Variants in FSTL4 observed in about 807,000 individuals in gnomAD.
FSTL4 encodes follistatin-related protein 4.
Under a neutral mutation model 78.2 loss-of-function variants are expected in FSTL4, and 28 were observed. The ratio of observed to expected loss-of-function variants is 0.36; its 90% CI spans 0.27 to 0.49. FSTL4 has a LOEUF of 0.49. Among genes scored for constraint, FSTL4 ranks in the 20% least tolerant of loss-of-function variants. The pLI is 0.98. For synonymous variants in FSTL4, 422 were observed against 440.5 expected (o/e 0.96, Z 0.53); for missense variants, 922 against 1,084.9 (o/e 0.85, Z 2.11).
Position 133,276,305 on chromosome 5 carries a change from G to C in FSTL4, c.728-26729C>G, listed in dbSNP as rs1201186859. ...GTGATGCTGGACCCCAGTGGAGAGG[G>C]AGGGCACGCGTAGGTGGCTCCTCTG... is the stretch of plus-strand genomic sequence containing the variant. On this transcript the variant is annotated intron_variant, in intron 6 of 15. Transcript: ENST00000265342. Among the ~76,000 whole-genome samples, 3 of 152,326 alleles carry C rather than the reference G, an allele frequency of 2.0e-5. No homozygotes were observed. In the East Asian group the frequency reaches 5.8e-4, roughly 29 times the overall value.
intron 3 of FSTL4, among the ~76,000 whole-genome samples, chr5:133,429,580 G>C (rs533502284): frequency 2.7e-5 from 4 of 150,826 alleles, no homozygotes; most frequent in Admixed American, 2.0e-4. Flanking sequence ...TCCAGAACCT[G>C]CCTTCCTCAA....
chr5:133,524,320 ATAAAT>A, intron 3 of FSTL4, among the ~76,000 whole-genome samples: 1 of 152,340 alleles, frequency 6.6e-6, no homozygotes, highest in East Asian at 1.9e-4. Context: ...ATTTAGGAAG[ATAAAT>A]CATTTTCATG....
the FSTL4 span, among the ~76,000 whole-genome samples, chr5:133,815,014 C>A: frequency 2.0e-5 from 3 of 152,174 alleles, no homozygotes; most frequent in African/African-American, 7.2e-5. Flanking sequence ...CACCACAGAA[C>A]AACTGAATCC....
At chr5:133,816,454 A>G in the FSTL4 span, among the ~76,000 whole-genome samples, 1 of 152,148 alleles carries the variant, frequency 6.6e-6, no homozygotes, top group South Asian at 2.1e-4. Flanking sequence ...CCTCCTAGAG[A>G]TGAAAAGCCC....
the FSTL4 span, among the ~76,000 whole-genome samples, chr5:133,777,699 T>A: frequency 6.6e-6 from 1 of 152,328 alleles, no homozygotes; most frequent in Non-Finnish European, 1.5e-5. Flanking sequence ...CACTTAATAA[T>A]AAAGCTTGGG....
Position 133,263,582 on chromosome 5 carries a change from G to A in FSTL4, c.728-14006C>T, listed in dbSNP as rs191093818. ...GGTCATTTGGGACCTCTAATGTTTCGTTAGAGCACTGGGGAATGAAGCCAT... is the reference window on the plus strand; with the variant it reads ...GGTCATTTGGGACCTCTAATGTTTCATTAGAGCACTGGGGAATGAAGCCAT... On this transcript the variant is annotated intron_variant, in intron 6 of 15. Coordinates refer to ENST00000265342, the MANE Select transcript of FSTL4 (RefSeq NM_015082.2). Among the ~76,000 whole-genome samples the A allele has an allele frequency of 1.6e-3, 251 of 152,290 alleles. 2 individuals are homozygous for A. The highest frequency in any genetic ancestry group is 5.5e-3 in the African/African-American group (227 of 41,556).
At chr5:133,294,757 A>G (rs2126871880) in intron 6 of FSTL4, among the ~76,000 whole-genome samples, 1 of 151,944 alleles carries the variant, frequency 6.6e-6, no homozygotes. Flanking sequence ...TGGTATCCAG[A>G]CTCCAAGAAT....
At chr5:133,600,686 C>T (rs1033816829) in intron 2 of FSTL4, among the ~76,000 whole-genome samples, 4 of 152,286 alleles carry the variant, frequency 2.6e-5, no homozygotes, top group African/African-American at 9.6e-5. Flanking sequence ...TGCACACACA[C>T]GCGTTGGTCA....
chr5:133,789,209 T>G, the FSTL4 span, among the ~76,000 whole-genome samples: 1 of 152,144 alleles, frequency 6.6e-6, no homozygotes, highest in Non-Finnish European at 1.5e-5. Context: ...TTGGCCATGT[T>G]ACCAATTCAT....
At chr5:133,701,500 CA>C in the FSTL4 span, among the ~76,000 whole-genome samples, 225 of 133,940 alleles carry the variant, frequency 1.7e-3, 3 homozygotes, top group Non-Finnish European at 2.2e-3. Flanking sequence ...CACACACACA[CA>C]CACACACACC....
At chr5:133,223,593 C>T (rs1474690545) in intron 11 of FSTL4, among the ~76,000 whole-genome samples, 1 of 152,154 alleles carries the variant, frequency 6.6e-6, no homozygotes, top group East Asian at 1.9e-4. Context: ...CCACCAGCTC[C>T]CACACATGCC....
At chr5:133,439,357 T>C (rs1580708954) in intron 3 of FSTL4, among the ~76,000 whole-genome samples, 3 of 152,352 alleles carry the variant, frequency 2.0e-5, no homozygotes, top group South Asian at 2.1e-4. Flanking sequence ...AATATTTGGT[T>C]ACTCCTGGAG....
intron 3 of FSTL4, among the ~76,000 whole-genome samples, chr5:133,455,007 C>T (rs1011877188): frequency 1.3e-5 from 2 of 152,232 alleles, no homozygotes; most frequent in African/African-American, 4.8e-5. Flanking sequence ...ACTCCCAGCC[C>T]AGTACTTGGT....
At chr5:133,614,582 A>G (rs1350486135), upstream of FSTL4, among the ~76,000 whole-genome samples, 1 of 152,166 alleles carries the variant, frequency 6.6e-6, no homozygotes. Context: ...ACCTCTTTGA[A>G]TTGCTCTGTG....
At chr5:133,776,837 T>C in the FSTL4 span, among the ~76,000 whole-genome samples, 1 of 152,200 alleles carries the variant, frequency 6.6e-6, no homozygotes, top group African/African-American at 2.4e-5. Context: ...TCTGAATGCT[T>C]CCAGGCCATC....
chr5:133,366,617 T>C (rs1272061699), intron 4 of FSTL4, among the ~76,000 whole-genome samples: 4 of 152,016 alleles, frequency 2.6e-5, no homozygotes, highest in Admixed American at 6.5e-5. Context: ...TTTCCTCACT[T>C]TCTTCTTGGA....
chr5:133,594,389 C>T (rs1637552), intron 2 of FSTL4, among the ~76,000 whole-genome samples: 17,956 of 152,194 alleles, frequency 0.12, 1,512 homozygotes, highest in African/African-American at 0.24. Flanking sequence ...GACTGGGTTT[C>T]GCCATGTTGG....
At chr5:133,831,661 C>A in the FSTL4 span, among the ~76,000 whole-genome samples, 3 of 152,194 alleles carry the variant, frequency 2.0e-5, no homozygotes, top group Non-Finnish European at 4.4e-5. Flanking sequence ...TTGCCAGAAC[C>A]ATAAGGAAGT....
intron 11 of FSTL4, among the ~76,000 whole-genome samples, chr5:133,221,217 A>G (rs1165441817): frequency 6.6e-6 from 1 of 152,206 alleles, no homozygotes; most frequent in Non-Finnish European, 1.5e-5. Flanking sequence ...ATAATATACT[A>G]GTCACATCAG....
Sources: allele counts gnomAD v4.1 joint callset (sites outside exome capture counted in the v4.1 genomes callset), GRCh38; gene constraint gnomAD v4.1.1; transcripts MANE v1.5; gene names NCBI Gene and HGNC (gene_info 2026-07-23, HGNC 2026-07-21).